The following APBA2 variants were observed in gnomAD, a reference collection of about 807,000 sequenced individuals.
The protein encoded by APBA2 is amyloid beta precursor protein binding family A member 2.
Under a neutral mutation model 75.0 loss-of-function variants are expected in APBA2, and 30 were observed. That is an observed-to-expected ratio of 0.40 (90% confidence interval 0.30 to 0.54). APBA2 has a LOEUF of 0.54. APBA2 is among the 20% of genes least tolerant of loss of function. The pLI, the probability that APBA2 is intolerant of heterozygous loss-of-function variation, is 0.49. For synonymous variants in APBA2, 444 were observed against 409.6 expected, an observed-to-expected ratio of 1.08 and a Z score of -1.01; for missense variants, 801 against 1,016.1, an observed-to-expected ratio of 0.79 and a Z score of 2.88.
chr15:28,988,989 G>A (rs2038075259), intron 2 of APBA2, among the ~76,000 whole-genome samples: 1 of 152,122 alleles, frequency 6.6e-6, no homozygotes, highest in African/African-American at 2.4e-5. Context: ...TTTGTCTAAT[G>A]CGTGAAAGTG....
chr15:29,004,592 T>G (rs1183646773), intron 3 of APBA2, among the ~76,000 whole-genome samples: 1 of 152,220 alleles, frequency 6.6e-6, no homozygotes, highest in East Asian at 1.9e-4. Flanking sequence ...TTGGTGGTTC[T>G]GACCTACATC....
At chr15:29,029,903 GC>G (rs750582860) in intron 3 of APBA2, among the ~76,000 whole-genome samples, 1 of 152,184 alleles carries the variant, frequency 6.6e-6, no homozygotes, top group Non-Finnish European at 1.5e-5. Context: ...GTCCAGAGGT[GC>G]CGGACATGCA....
intron 2 of APBA2, chr15:28,970,132 A>G (rs1464982162): frequency 6.6e-6 from 1 of 152,066 alleles, no homozygotes; most frequent in Non-Finnish European, 1.5e-5. Context: ...CACACACCCC[A>G]CAGCCCGAAA....
intron 2 of APBA2, among the ~76,000 whole-genome samples, chr15:28,955,339 T>A (rs1466997879): frequency 1.3e-5 from 2 of 152,098 alleles, no homozygotes; most frequent in Non-Finnish European, 2.9e-5. Context: ...CAACCGTACT[T>A]CCTGTTCTGG....
At chr15:28,924,423 T>TC (rs1401021367) in intron 2 of APBA2, among the ~76,000 whole-genome samples, 1 of 152,160 alleles carries the variant, frequency 6.6e-6, no homozygotes, top group African/African-American at 2.4e-5. Context: ...CTCCCCAGCC[T>TC]CCCTACCCCA....
In APBA2 at chr15:29,098,501, G is replaced by C; in HGVS notation, c.1263G>C (p.Gly421=). The change falls in exon 9 of 15, where the codon GGG becomes GGC. Residue 421 remains glycine (G), a synonymous_variant. Transcript: ENST00000683413. The part of the protein sequence containing the change: ...AKIKKKANSE[G]DAQTLTEVDL... The stretch of plus-strand genomic sequence containing the variant: ...ACTGTCCTTCTTAGAATTCTGAGGG[G>C]GATGCCCAGACGCTGACGGAAGTGG... 6 of 1,613,974 alleles carry C rather than the reference G, an allele frequency of 3.7e-6. No homozygotes were observed. Among genetic ancestry groups the C allele is most frequent in the Non-Finnish European group, 5.1e-6 (6 of 1,179,854 alleles).
chr15:28,911,164 G>A (rs539492815), intron 1 of APBA2, among the ~76,000 whole-genome samples: 1 of 152,236 alleles, frequency 6.6e-6, no homozygotes, highest in African/African-American at 2.4e-5. Context: ...TTTTCTCTTC[G>A]TGGATTCTGC....
At chr15:29,032,237 A>AAC (rs2040525215) in intron 3 of APBA2, among the ~76,000 whole-genome samples, 1 of 152,234 alleles carries the variant, frequency 6.6e-6, no homozygotes, top group Non-Finnish European at 1.5e-5. Context: ...GATTTGCTCA[A>AAC]ACACCAGTCT....
At chr15:29,115,164 A>G (rs548010383) in intron 14 of APBA2, among the ~76,000 whole-genome samples, 73 of 149,080 alleles carry the variant, frequency 4.9e-4, no homozygotes, top group African/African-American at 1.6e-3. Flanking sequence ...GGGTCTGGGG[A>G]CAGCAGCAGC....
In APBA2 at chr15:29,106,840, C is replaced by G. The variant is rs556509815; in HGVS notation, c.1917+21C>G. On this transcript the variant is annotated intron_variant, in intron 12 of 14. Coordinates refer to ENST00000683413, the MANE Select transcript of APBA2 (RefSeq NM_001353788.2). ...TCAAGGTAGGCACCCTGGGATCCTC[C>G]GCCCAGGGGTCACCTCAACCCTGCC... 7 of 1,603,512 alleles carry G rather than the reference C, an allele frequency of 4.4e-6. No homozygotes were observed. In the South Asian group the frequency reaches 6.6e-5, roughly 15 times the overall value.
intron 2 of APBA2, among the ~76,000 whole-genome samples, chr15:28,929,658 C>G (rs535978375): frequency 6.6e-6 from 1 of 152,290 alleles, no homozygotes; most frequent in South Asian, 2.1e-4. Flanking sequence ...TGTGGCTAAA[C>G]CTTCTGTCCA....
At chr15:29,062,301 CT>C (rs749221151) in intron 4 of APBA2, among the ~76,000 whole-genome samples, 3 of 152,204 alleles carry the variant, frequency 2.0e-5, no homozygotes, top group African/African-American at 7.2e-5. Flanking sequence ...CCTGTGTCCC[CT>C]GTCGTCTGTA....
At chr15:29,044,559 C>A (rs2041208485) in intron 3 of APBA2, 1 of 152,052 alleles carries the variant, frequency 6.6e-6, no homozygotes, top group Non-Finnish European at 1.5e-5. Flanking sequence ...ATGCAAAGCC[C>A]CCAGCCCCCA....
At chr15:28,956,645 G>T (rs1055273045) in intron 2 of APBA2, among the ~76,000 whole-genome samples, 2 of 151,878 alleles carry the variant, frequency 1.3e-5, no homozygotes, top group African/African-American at 4.8e-5. Flanking sequence ...TTACACGGTT[G>T]TGCAACCATC....
At chr15:29,101,929 T>A in intron 10 of APBA2, 145 bp downstream of exon 10, 3 of 838,638 alleles carry the variant, frequency 3.6e-6, no homozygotes, top group Non-Finnish European at 2.0e-6. Flanking sequence ...ATCTTTTGCA[T>A]ACTCTTTGGG....
intron 6 of APBA2, among the ~76,000 whole-genome samples, chr15:29,086,157 G>T (rs2043282569): frequency 6.6e-6 from 1 of 152,220 alleles, no homozygotes; most frequent in Non-Finnish European, 1.5e-5. Flanking sequence ...GTTGGCAGTT[G>T]CCCCATCCAG....
In APBA2 at chr15:28,941,232, G is replaced by T. The variant is rs143018996; in HGVS notation, c.-95+19483G>T. On this transcript the variant is annotated intron_variant, in intron 2 of 14. Transcript: ENST00000683413. ...AGGATGGAACCTCTGTGTCTGAAGC[G>T]TCTCAGCACATCTGAATTCACAAGC... is the stretch of plus-strand genomic sequence containing the variant. Among the ~76,000 whole-genome samples the T allele has an allele frequency of 5.9e-5, 9 of 152,246 alleles. No homozygotes were observed. In the South Asian group the frequency reaches 1.9e-3, roughly 32 times the overall value.
chr15:28,944,143 G>A (rs139225940), intron 2 of APBA2, among the ~76,000 whole-genome samples: 3 of 152,238 alleles, frequency 2.0e-5, no homozygotes, highest in South Asian at 2.1e-4. Context: ...TGATGGCTGC[G>A]ACTGCTTTCA....
At chr15:28,953,333 C>T (rs2035990452) in intron 2 of APBA2, among the ~76,000 whole-genome samples, 1 of 152,172 alleles carries the variant, frequency 6.6e-6, no homozygotes, top group African/African-American at 2.4e-5. Flanking sequence ...GGATCTTGGC[C>T]TTCACACTCA....
Sources: allele counts gnomAD v4.1 joint callset (sites outside exome capture counted in the v4.1 genomes callset), GRCh38; gene constraint gnomAD v4.1.1; transcripts MANE v1.5; gene names NCBI Gene and HGNC (gene_info 2026-07-23, HGNC 2026-07-21).